Variants in DNAH2 observed in about 807,000 individuals in gnomAD.
DNAH2 encodes the protein axonemal beta dynein heavy chain 2.
In DNAH2, 323 loss-of-function variants were observed where a neutral mutation model predicts 523.5. That is an observed-to-expected ratio of 0.62 (90% confidence interval 0.56 to 0.68). The LOEUF is 0.68. Among genes scored for constraint, DNAH2 ranks in the 30% least tolerant of loss-of-function variants. DNAH2 has a pLI of 0.00. For synonymous variants in DNAH2, 2,093 were observed against 2,177.4 expected, an observed-to-expected ratio of 0.96 and a Z score of 1.08; for missense variants, 4,907 against 5,701.5, an observed-to-expected ratio of 0.86 and a Z score of 4.49.
chr17:7,724,627 C>T (rs181114408), intron 3 of DNAH2, among the ~76,000 whole-genome samples: 4 of 151,544 alleles, frequency 2.6e-5, no homozygotes, highest in South Asian at 4.2e-4. Context: ...TCAAAACAAA[C>T]GAACAAACAA....
At chr17:7,735,202 C>T (rs575173307) in intron 7 of DNAH2, among the ~76,000 whole-genome samples, 3 of 152,168 alleles carry the variant, frequency 2.0e-5, no homozygotes, top group Middle Eastern at 6.8e-3. Flanking sequence ...GCGATCTCAG[C>T]TCACTGCAAC....
At chr17:7,723,008 TG>T (rs1289702255) in intron 2 of DNAH2, among the ~76,000 whole-genome samples, 1 of 146,724 alleles carries the variant, frequency 6.8e-6, no homozygotes, top group Non-Finnish European at 1.5e-5. Flanking sequence ...TTCGCTCTGT[TG>T]CCCAGGCTGG....
At chr17:7,751,382 C>A (rs1302036367) in intron 12 of DNAH2, among the ~76,000 whole-genome samples, 1 of 152,118 alleles carries the variant, frequency 6.6e-6, no homozygotes, top group Non-Finnish European at 1.5e-5. Context: ...CATGAGCCAC[C>A]ACACCAGGCC....
Position 7,821,163 on chromosome 17 carries a change from T to C in DNAH2, c.11016-80T>C. 6.5e-7 allele frequency: 1 copy of C among 1,545,292 alleles called. No individual in the cohort carries two copies. Among genetic ancestry groups the C allele is most frequent in the Non-Finnish European group, 8.8e-7 (1 of 1,140,110 alleles). ...AGGTCCTCTGTGTGAAGCTGTGTGA[T>C]AGTAGCATCATAGCATTCGCATGGA... On this transcript the variant is annotated intron_variant, in intron 72 of 85. Transcript: ENST00000572933. The surrounding 1 kb of genome is among the most constrained non-coding windows in gnomAD (Gnocchi z 5.0).
intron 58 of DNAH2, among the ~76,000 whole-genome samples, chr17:7,803,706 G>A (rs1050596413): frequency 3.3e-5 from 5 of 152,100 alleles, no homozygotes; most frequent in Non-Finnish European, 5.9e-5. Flanking sequence ...CAGGTGCAGT[G>A]GCTCATGCCT....
At chr17:7,762,375 G>A (rs1023311981) in intron 18 of DNAH2, among the ~76,000 whole-genome samples, 12 of 134,518 alleles carry the variant, frequency 8.9e-5, no homozygotes, top group African/African-American at 2.8e-4. Flanking sequence ...TCACTCTGTC[G>A]CCCATGCTGG....
At position 7,748,189 on chromosome 17, in the gene DNAH2, T is replaced by C. The variant is rs778068289; in HGVS notation, c.1904+5047T>C. Among the ~76,000 whole-genome samples the C allele has an allele frequency of 2.0e-5, 3 of 152,204 alleles. No individual in the cohort carries two copies. The East Asian group carries it at 5.8e-4, about 29-fold the overall frequency. On this transcript the variant is annotated intron_variant, in intron 12 of 85. Coordinates refer to ENST00000572933, the MANE Select transcript of DNAH2 (RefSeq NM_020877.5). ...TTTACGGACAGAACAGCTTCACAGA[T>C]TGCACTTAACACAAACATATTCCAG...
At position 7,786,988 on chromosome 17, in the gene DNAH2, G is replaced by C; in HGVS notation, c.6558G>C (p.Lys2186Asn). The change falls in exon 42 of 86, where the codon AAG becomes AAC. Residue 2186 changes from lysine (K) to asparagine (N), a missense_variant. By Grantham distance (94) the Lys-to-Asn change is moderately conservative. This residue lies in a region of DNAH2 where 2,806 missense variants were observed against 3,190.8 expected (regional missense o/e 0.88). Coordinates refer to ENST00000572933, the MANE Select transcript of DNAH2 (RefSeq NM_020877.5). The surrounding 1 kb of genome is among the most constrained non-coding windows in gnomAD (Gnocchi z 7.5). ...ENMNSVMDDN[K>N]VLTLINGERI... is the part of the protein sequence containing the mutation. The stretch of plus-strand genomic sequence containing the variant: ...TGAACTCCGTCATGGACGATAACAA[G>C]GTGTTGACCCTCATCAACGGCGAGC... 6.2e-7 allele frequency: 1 copy of C among 1,614,220 alleles called. No individual in the cohort carries two copies. The highest frequency in any genetic ancestry group is 8.5e-7 in the Non-Finnish European group (1 of 1,180,040).
chr17:7,738,910 C>T (rs1194853327), intron 8 of DNAH2: 1 of 700,700 alleles, frequency 1.4e-6, no homozygotes, highest in Non-Finnish European at 2.6e-6. Flanking sequence ...ATTCAGTCGG[C>T]CTTTCTCCTG....
intron 44 of DNAH2, among the ~76,000 whole-genome samples, chr17:7,788,903 G>A (rs1046010921): frequency 3.9e-5 from 6 of 152,312 alleles, no homozygotes; most frequent in South Asian, 2.1e-4. Flanking sequence ...GGTGGCTCAC[G>A]CCTGTAATCC....
chr17:7,804,502 C>G (rs777703625), intron 59 of DNAH2, 36 bp downstream of exon 59: 6 of 1,605,200 alleles, frequency 3.7e-6, no homozygotes, highest in Non-Finnish European at 5.1e-6. Context: ...TGCCCCACTC[C>G]CACCAGTGCC....
rs778877365 is a variant in DNAH2, at chr17:7,818,078, A to G, written c.10369A>G (p.Lys3457Glu). The change falls in exon 68 of 86, where the codon AAA becomes GAA. Residue 3457 changes from lysine to glutamate, a missense_variant. Coordinates refer to ENST00000572933, the MANE Select transcript of DNAH2 (RefSeq NM_020877.5). ...CCCCACACTGAACCCCATGCTCAAC[A>G]AATCTGTAGCCCGAATCGGTCAGGA... ...LDPTLNPMLN[K>E]SVARIGGRLL... The G allele has an allele frequency of 3.1e-6, 5 of 1,612,446 alleles. No individual in the cohort carries two copies. Among genetic ancestry groups the G allele is most frequent in the Non-Finnish European group, 4.2e-6 (5 of 1,180,040 alleles).
chr17:7,793,160 T>C lies in DNAH2; in HGVS notation c.7524T>C (p.Tyr2508=). 1 of 1,614,200 alleles carries C rather than the reference T, an allele frequency of 6.2e-7. No homozygotes were observed. Among genetic ancestry groups the C allele is most frequent in the Non-Finnish European group, 8.5e-7 (1 of 1,180,032 alleles). The change falls in exon 48 of 86, where the codon TAT becomes TAC. Residue 2508 remains tyrosine (Y), a synonymous_variant. Transcript: ENST00000572933. The part of the protein sequence containing the change: ...PLELIRLWID[Y]GFWYDRTKQT... ...AGCTGATCCGCCTCTGGATTGACTA[T>C]GGCTTCTGGTATGACCGTACGAAGC...
chr17:7,809,471 C>T (rs557189902), intron 63 of DNAH2, among the ~76,000 whole-genome samples: 9 of 152,238 alleles, frequency 5.9e-5, no homozygotes, highest in East Asian at 5.8e-4. Flanking sequence ...TCCACGGCTC[C>T]GTCCCTGCTA....
chr17:7,751,614 T>C (rs886718807), intron 12 of DNAH2, among the ~76,000 whole-genome samples: 1 of 152,188 alleles, frequency 6.6e-6, no homozygotes, highest in Middle Eastern at 3.2e-3. Context: ...TTTAGTGAAC[T>C]ACTATCTTTA....
intron 7 of DNAH2, among the ~76,000 whole-genome samples, chr17:7,735,011 G>C (rs1339525171): frequency 1.3e-5 from 2 of 152,124 alleles, no homozygotes; most frequent in African/African-American, 4.8e-5. Context: ...GGGAGCCAAA[G>C]ATGAGCTCAT....
intron 49 of DNAH2, 117 bp from the exon 50 acceptor site, chr17:7,796,347 C>T (rs2077062451): frequency 8.4e-7 from 1 of 1,193,008 alleles, no homozygotes; most frequent in Non-Finnish European, 1.1e-6. Context: ...CCGTGCCCGG[C>T]CCTAGGATTT....
chr17:7,788,797 C>T (rs1440687910), intron 44 of DNAH2, among the ~76,000 whole-genome samples: 2 of 152,220 alleles, frequency 1.3e-5, no homozygotes, highest in Admixed American at 6.5e-5. Flanking sequence ...GGTAATTAAA[C>T]TATTAATATG....
At chr17:7,725,287 A>G (rs1316722898) in intron 3 of DNAH2, among the ~76,000 whole-genome samples, 1 of 143,726 alleles carries the variant, frequency 7.0e-6, no homozygotes, top group African/African-American at 2.6e-5. Flanking sequence ...ACGGGGTTTC[A>G]TCATGTTGGC....
Sources: allele counts gnomAD v4.1 joint callset (sites outside exome capture counted in the v4.1 genomes callset), GRCh38; gene constraint gnomAD v4.1.1; regional missense constraint gnomAD v4.1.1; non-coding constraint Gnocchi (gnomAD v3.1); transcripts MANE v1.5; gene names NCBI Gene and HGNC (gene_info 2026-07-23, HGNC 2026-07-21).